NUDT9: variants seen among roughly 807,000 people sequenced by gnomAD.
The protein encoded by NUDT9 is ADP-ribose pyrophosphatase.
NUDT9 carries 31 observed loss-of-function variants against 41.0 expected under a neutral mutation model. That is an observed-to-expected ratio of 0.76 (90% confidence interval 0.57 to 1.02). The LOEUF is 1.02. NUDT9 is among the 50% of genes least tolerant of loss of function. The pLI, the probability that NUDT9 is intolerant of heterozygous loss-of-function variation, is 0.00. For synonymous variants in NUDT9, 146 were observed against 147.6 expected (o/e 0.99, Z 0.08); for missense variants, 380 against 431.4 (o/e 0.88, Z 1.06).
At chr4:87,442,036 TA>T in intron 4 of NUDT9, 121 bp downstream of exon 4, 1 of 656,554 alleles carries the variant, frequency 1.5e-6, no homozygotes. Context: ...TGTGTTTGTA[TA>T]TATATGTATG....
intron 4 of NUDT9, among the ~76,000 whole-genome samples, chr4:87,448,876 T>TTA (rs2110185888): frequency 6.6e-6 from 1 of 152,348 alleles, no homozygotes; most frequent in South Asian, 2.1e-4. Flanking sequence ...ATACTTTAAG[T>TTA]AGTAAAAATT....
At chr4:87,456,908 T>G (rs1723015640) in intron 7 of NUDT9, among the ~76,000 whole-genome samples, 1 of 152,108 alleles carries the variant, frequency 6.6e-6, no homozygotes, top group African/African-American at 2.4e-5. Flanking sequence ...TTCAGCCTGG[T>G]CAACAACAGC....
chr4:87,428,074 A>G (rs1721512582), intron 1 of NUDT9, among the ~76,000 whole-genome samples: 1 of 152,324 alleles, frequency 6.6e-6, no homozygotes, highest in Middle Eastern at 3.4e-3. Flanking sequence ...AGTTAGTCAC[A>G]AATCAAATAC....
At chr4:87,426,753 T>C (rs1721442286) in intron 1 of NUDT9, among the ~76,000 whole-genome samples, 1 of 151,260 alleles carries the variant, frequency 6.6e-6, no homozygotes, top group Non-Finnish European at 1.5e-5. Flanking sequence ...AAGGATAATA[T>C]GGCCTGGTGT....
In NUDT9 at chr4:87,422,618, G is replaced by T; in HGVS notation, c.-288G>T. 3.2e-6 allele frequency: 1 copy of T among 316,042 alleles called. No individual in the cohort carries two copies. The highest frequency in any genetic ancestry group is 5.7e-6 in the Non-Finnish European group (1 of 174,036). The allele number at this position is 316,042 out of a possible 1,614,324, so 19.6% of individuals were successfully genotyped here. ...CATTACGCAGAGAGAAAGTTACGAG[G>T]TTCGTGGCCGCGGTTTCCCCAGGCA... On this transcript the variant is annotated 5_prime_UTR_variant, in exon 1 of 8. Transcript: ENST00000302174.
In NUDT9 at chr4:87,458,930, C is replaced by T. The variant is rs1578084375; in HGVS notation, c.*909C>T. 6.6e-6 allele frequency: 1 copy of T among 152,116 alleles called. No individual in the cohort carries two copies. The highest frequency in any genetic ancestry group is 1.5e-5 in the Non-Finnish European group (1 of 68,032). The allele number at this position is 152,116 out of a possible 1,614,324, so 9.4% of individuals were successfully genotyped here. On this transcript the variant is annotated 3_prime_UTR_variant, in exon 8 of 8. Transcript: ENST00000302174. ...ATTTAAAGATATTTGACCCAGTAATCCCATTACTAGGTATATACCCGAAGG... is the reference window on the plus strand; with the variant it reads ...ATTTAAAGATATTTGACCCAGTAATTCCATTACTAGGTATATACCCGAAGG...
rs202006930 is a variant in NUDT9 at position 87,449,205 on chromosome 4, A to C, written c.594A>C (p.Gln198His). 6.2e-7 allele frequency: 1 copy of C among 1,611,520 alleles called. No individual in the cohort carries two copies. The highest frequency in any genetic ancestry group is 8.5e-7 in the Non-Finnish European group (1 of 1,177,754). The change falls in exon 5 of 8, where the codon CAA becomes CAC. Residue 198 changes from glutamine (Q) to histidine (H), a missense_variant. By Grantham distance (24) the Gln-to-His change is conservative. Coordinates refer to ENST00000302174, the MANE Select transcript of NUDT9 (RefSeq NM_024047.5). Reference protein sequence around the residue: ...MHPVSGKHILQFVAIKRKDCG... With the variant: ...MHPVSGKHILHFVAIKRKDCG... ...CTGTTTCTGGGAAGCATATCTTACA[A>C]TTTGTTGCAATAAAAAGGAAAGACT... is the stretch of plus-strand genomic sequence containing the variant.
Position 87,422,598 on chromosome 4 carries a change from C to T in NUDT9, c.-308C>T, listed in dbSNP as rs1424416820. 2 of 272,218 alleles carry T rather than the reference C, an allele frequency of 7.3e-6. No homozygotes were observed. Among genetic ancestry groups the T allele is most frequent in the East Asian group, 6.4e-5 (1 of 15,648 alleles). 16.9% of individuals were successfully genotyped at this position (272,218 alleles called of 1,614,324 possible). A position where few individuals can be genotyped will look rare whatever the true frequency, so the allele number is the denominator to read the frequency against. On this transcript the variant is annotated 5_prime_UTR_variant, in exon 1 of 8. In the 5' UTR this introduces an upstream ATG that the reference lacks. Coordinates refer to ENST00000302174, the MANE Select transcript of NUDT9 (RefSeq NM_024047.5). ...GCGGCGCGGCCGTAAAGCGCCATTACGCAGAGAGAAAGTTACGAGGTTCGT... is the reference window on the plus strand; with the variant it reads ...GCGGCGCGGCCGTAAAGCGCCATTATGCAGAGAGAAAGTTACGAGGTTCGT...
At chr4:87,424,051 C>A (rs1431613963) in intron 1 of NUDT9, among the ~76,000 whole-genome samples, 1 of 152,150 alleles carries the variant, frequency 6.6e-6, no homozygotes, top group African/African-American at 2.4e-5. Context: ...CCTACCCCTT[C>A]ATTTCTAAAA....
At chr4:87,424,075 A>G (rs919005853) in intron 1 of NUDT9, among the ~76,000 whole-genome samples, 26 of 152,122 alleles carry the variant, frequency 1.7e-4, no homozygotes, top group African/African-American at 6.0e-4. Context: ...TTTTGATTTT[A>G]TCTTGGAGAC....
At position 87,428,086 on chromosome 4, in the gene NUDT9, C is replaced by T. The variant is rs4493500; in HGVS notation, c.107+5074C>T. ...TAAAGTTAGTCACAAATCAAATACT[C>T]GCTCACGTTACACTAGTTTTCAGCC... is the stretch of plus-strand genomic sequence containing the variant. On this transcript the variant is annotated intron_variant, in intron 1 of 7. Coordinates refer to ENST00000302174, the MANE Select transcript of NUDT9 (RefSeq NM_024047.5). 9.6e-3 allele frequency among the ~76,000 whole-genome samples: 1,462 copies of T among 152,214 alleles called. 18 individuals carry two copies. The highest frequency in any genetic ancestry group is 0.029 in the African/African-American group (1,223 of 41,528).
intron 5 of NUDT9, among the ~76,000 whole-genome samples, chr4:87,451,333 G>A (rs897030988): frequency 6.6e-6 from 1 of 152,168 alleles, no homozygotes; most frequent in Admixed American, 6.6e-5. Flanking sequence ...CTTAGTTCGA[G>A]TTTGGCAAGT....
At chr4:87,455,435 T>G (rs1722942747) in intron 7 of NUDT9, among the ~76,000 whole-genome samples, 2 of 152,164 alleles carry the variant, frequency 1.3e-5, no homozygotes, top group Admixed American at 1.3e-4. Context: ...ACTTTAAAGT[T>G]TTGGAGTTAA....
rs774805471 is a variant in NUDT9, at chr4:87,451,752, C to G, written c.789+17C>G. The G allele has an allele frequency of 6.2e-7, 1 of 1,609,564 alleles. No individual in the cohort carries two copies. The highest frequency in any genetic ancestry group is 8.5e-7 in the Non-Finnish European group (1 of 1,177,822). On this transcript the variant is annotated intron_variant, in intron 6 of 7. Coordinates refer to ENST00000302174, the MANE Select transcript of NUDT9 (RefSeq NM_024047.5). ...CACCTAGTGGTAAGAAATAGTGTTT[C>G]TGGGAGGGATTTAGTTCTGTGGATT...
Position 87,451,720 on chromosome 4 carries a change from C to T in NUDT9, c.774C>T (p.Ser258=). The change falls in exon 6 of 8, where the codon AGC becomes AGT. Residue 258 remains serine (S), a synonymous_variant. Coordinates refer to ENST00000302174, the MANE Select transcript of NUDT9 (RefSeq NM_024047.5). ...EIEEKLHKLF[S]QDHLVIYKGY... ...AGGAAAAGTTGCACAAACTCTTCAG[C>T]CAAGACCACCTAGTGGTAAGAAATA... is the stretch of plus-strand genomic sequence containing the variant. The T allele has an allele frequency of 6.2e-7, 1 of 1,613,644 alleles. No homozygotes were observed. The highest frequency in any genetic ancestry group is 8.5e-7 in the Non-Finnish European group (1 of 1,179,814).
chr4:87,430,194 T>G (rs1290506987), intron 1 of NUDT9, among the ~76,000 whole-genome samples: 1 of 152,234 alleles, frequency 6.6e-6, no homozygotes, highest in Non-Finnish European at 1.5e-5. Flanking sequence ...AGCCACAGAA[T>G]GCAGGTGGAA....
intron 1 of NUDT9, among the ~76,000 whole-genome samples, chr4:87,424,519 C>T (rs2110154725): frequency 1.3e-5 from 2 of 152,298 alleles, no homozygotes; most frequent in Non-Finnish European, 2.9e-5. Context: ...GTCTCGGCCT[C>T]CCAAAGTGCT....
chr4:87,428,778 A>G (rs777384338), intron 1 of NUDT9, among the ~76,000 whole-genome samples: 2 of 152,318 alleles, frequency 1.3e-5, no homozygotes, highest in Non-Finnish European at 2.9e-5. Flanking sequence ...AAATTGAGCT[A>G]AAGATAAGAG....
intron 5 of NUDT9, among the ~76,000 whole-genome samples, chr4:87,450,378 C>CTTTTTTTTTTTTTTTTT (rs59228872): frequency 9.8e-6 from 1 of 102,306 alleles, no homozygotes; most frequent in Non-Finnish European, 1.9e-5. Flanking sequence ...TTTTCTTTTT[C>CTTTTTTTTTTTTTTTTT]TTTTTTTTTT....
Sources: allele counts gnomAD v4.1 joint callset (sites outside exome capture counted in the v4.1 genomes callset), GRCh38; gene constraint gnomAD v4.1.1; transcripts MANE v1.5; gene names NCBI Gene and HGNC (gene_info 2026-07-23, HGNC 2026-07-21).